Variants in ANKRD11 observed in about 807,000 individuals in gnomAD.
ANKRD11 encodes the protein ankyrin repeat domain-containing protein 11.
Under a neutral mutation model 195.7 loss-of-function variants are expected in ANKRD11, and 17 were observed. That is an observed-to-expected ratio of 0.09 (90% CI 0.06 to 0.13). ANKRD11 has a LOEUF of 0.13. ANKRD11 is among the 10% of genes least tolerant of loss of function. The probability of loss-of-function intolerance (pLI) is 1.00; values close to 1 mark genes in which losing one functional copy is unlikely to be tolerated. For missense variants in ANKRD11, 3,735 were observed against 3,566.1 expected, an observed-to-expected ratio of 1.05 and a Z score of -1.21; for synonymous variants, 1,953 against 1,528.1, an observed-to-expected ratio of 1.28 and a Z score of -6.49.
At chr16:89,350,017 T>C (rs2039136535) in intron 2 of ANKRD11, among the ~76,000 whole-genome samples, 1 of 151,976 alleles carries the variant, frequency 6.6e-6, no homozygotes, top group Non-Finnish European at 1.5e-5. Flanking sequence ...AAATGGCAGA[T>C]ATGAAAGTGA....
chr16:89,279,940 G>A lies in ANKRD11; in HGVS notation c.6602C>T (p.Ala2201Val), dbSNP rs371524118. ...PPDQASTRLPAELEPEPSGEP... is the reference protein window; with the variant it reads ...PPDQASTRLPVELEPEPSGEP... ...CCCTGAGGGCTCAGGCTCGAGCTCTGCAGGGAGCCGGGTGGAGGCCTGGTC... is the reference window on the plus strand; with the variant it reads ...CCCTGAGGGCTCAGGCTCGAGCTCTACAGGGAGCCGGGTGGAGGCCTGGTC... The change falls in exon 9 of 13, where the codon GCA becomes GTA. Residue 2201 changes from alanine (A) to valine (V), a missense_variant. Physicochemically the swap from Ala to Val is moderately conservative, Grantham distance 64. Coordinates refer to ENST00000301030, the MANE Select transcript of ANKRD11 (RefSeq NM_013275.6). The surrounding 1 kb of genome is among the most constrained non-coding windows in gnomAD (Gnocchi z 5.6). 1.6e-4 allele frequency: 254 copies of A among 1,609,884 alleles called. No individual in the cohort carries two copies. Among genetic ancestry groups the A allele is most frequent in the Non-Finnish European group, 1.4e-4 (166 of 1,179,828 alleles).
rs188625442 is a variant in ANKRD11, at chr16:89,444,754, G to A, written c.-144-26386C>T. On this transcript the variant is annotated intron_variant, in intron 1 of 12. Coordinates refer to ENST00000301030, the MANE Select transcript of ANKRD11 (RefSeq NM_013275.6). ...AGCCCATGAGCTCAAGACCAGGCTG[G>A]ATAACACAGCCAGATCCCGTCTCTG... Among the ~76,000 whole-genome samples the A allele has an allele frequency of 2.6e-3, 394 of 152,238 alleles. 2 individuals carry two copies. The highest frequency in any genetic ancestry group is 8.7e-3 in the African/African-American group (362 of 41,518).
intron 1 of ANKRD11, among the ~76,000 whole-genome samples, chr16:89,432,723 A>G (rs1271754454): frequency 6.6e-6 from 1 of 152,076 alleles, no homozygotes; most frequent in Non-Finnish European, 1.5e-5. Context: ...ATCACGGTAT[A>G]ATCTTGAGCC....
chr16:89,404,070 A>G (rs1234953979), intron 2 of ANKRD11, among the ~76,000 whole-genome samples: 1 of 152,254 alleles, frequency 6.6e-6, no homozygotes, highest in Non-Finnish European at 1.5e-5. Context: ...AAACTCTCAG[A>G]GCAAACGCTG....
chr16:89,308,650 C>T (rs532903441), intron 3 of ANKRD11, among the ~76,000 whole-genome samples: 73 of 152,160 alleles, frequency 4.8e-4, no homozygotes, highest in African/African-American at 1.7e-3. Flanking sequence ...GCTGCAGGTG[C>T]GTTTCCCATG....
At chr16:89,408,503 C>T (rs1162238197) in intron 2 of ANKRD11, among the ~76,000 whole-genome samples, 1 of 152,248 alleles carries the variant, frequency 6.6e-6, no homozygotes. Flanking sequence ...CCTCACCCTG[C>T]TCTGGCACAC....
chr16:89,301,456 A>T (rs2035848501), intron 4 of ANKRD11: 1 of 397,540 alleles, frequency 2.5e-6, no homozygotes, highest in South Asian at 1.3e-4. Context: ...GGCCCCGGGC[A>T]GACAGGGCAG....
chr16:89,273,577 A>T (rs1020413852), intron 11 of ANKRD11, among the ~76,000 whole-genome samples: 1 of 152,028 alleles, frequency 6.6e-6, no homozygotes, highest in Admixed American at 6.6e-5. Flanking sequence ...CATGCCTGTG[A>T]TCCCAGCTAC....
intron 1 of ANKRD11, among the ~76,000 whole-genome samples, chr16:89,472,806 G>T (rs1245912822): frequency 6.6e-6 from 1 of 152,202 alleles, no homozygotes; most frequent in Non-Finnish European, 1.5e-5. Context: ...TTACCACAGA[G>T]GGGAGCAGAG....
intron 1 of ANKRD11, among the ~76,000 whole-genome samples, chr16:89,441,569 C>G (rs1273147442): frequency 1.3e-5 from 2 of 151,850 alleles, no homozygotes; most frequent in African/African-American, 4.8e-5. Flanking sequence ...AGATGGAGAC[C>G]ATCCTGGCTA....
intron 3 of ANKRD11, among the ~76,000 whole-genome samples, chr16:89,316,214 TGA>T (rs1402266688): frequency 2.6e-5 from 4 of 152,262 alleles, no homozygotes; most frequent in Admixed American, 1.3e-4. Context: ...GACAGGAAGC[TGA>T]CTCAGGAGAC....
intron 2 of ANKRD11, among the ~76,000 whole-genome samples, chr16:89,384,285 C>T (rs2040793704): frequency 6.6e-6 from 1 of 152,166 alleles, no homozygotes; most frequent in Non-Finnish European, 1.5e-5. Flanking sequence ...AATCCCAGCA[C>T]TTTGGGAGAC....
At chr16:89,344,896 T>C (rs1435912240) in intron 2 of ANKRD11, among the ~76,000 whole-genome samples, 3 of 152,214 alleles carry the variant, frequency 2.0e-5, no homozygotes, top group Non-Finnish European at 4.4e-5. Flanking sequence ...TGTATTTTCC[T>C]TAGTTTCATT....
chr16:89,471,353 AC>A (rs920815536), intron 1 of ANKRD11, among the ~76,000 whole-genome samples: 1 of 152,062 alleles, frequency 6.6e-6, no homozygotes, highest in African/African-American at 2.4e-5. Context: ...TGGTGCTCTC[AC>A]CACTCAGGAA....
intron 2 of ANKRD11, among the ~76,000 whole-genome samples, chr16:89,356,601 C>G (rs141455908): frequency 0.012 from 1,711 of 147,856 alleles, 30 homozygotes; most frequent in African/African-American, 0.041. Context: ...AAAACCCCAT[C>G]TCTACTAAAA....
At chr16:89,489,210 TACACACAC>T in intron 1 of ANKRD11, 1 of 129,292 alleles carries the variant, frequency 7.7e-6, no homozygotes, top group East Asian at 2.7e-4. Flanking sequence ...GGGCCAACCC[TACACACAC>T]ACACACACGC....
At position 89,268,390 on chromosome 16, in the gene ANKRD11, G is replaced by C. The variant is rs1567532446; in HGVS notation, c.*88C>G. On this transcript the variant is annotated 3_prime_UTR_variant, in exon 13 of 13. Transcript: ENST00000301030. ...GGGTCTCTCCCCGCCCGGGTGGACA[G>C]GGCGCTCCCTCCTCCGCCCCTGGGG... is the stretch of plus-strand genomic sequence containing the variant. The C allele has an allele frequency of 1.6e-6, 1 of 621,280 alleles. No individual in the cohort carries two copies. The highest frequency in any genetic ancestry group is 2.9e-5 in the East Asian group (1 of 34,970). 38.5% of individuals were successfully genotyped at this position (621,280 alleles called of 1,614,324 possible).
chr16:89,275,528 C>A (rs1320695434), intron 9 of ANKRD11, among the ~76,000 whole-genome samples: 1 of 152,166 alleles, frequency 6.6e-6, no homozygotes, highest in African/African-American at 2.4e-5. Flanking sequence ...GGAGATACAG[C>A]GAGACAGCAG....
At chr16:89,379,146 GCCC>G (rs2040541733) in intron 2 of ANKRD11, among the ~76,000 whole-genome samples, 1 of 152,218 alleles carries the variant, frequency 6.6e-6, no homozygotes, top group Non-Finnish European at 1.5e-5. Context: ...GGTGGGGCCG[GCCC>G]CCATGCCTGC....
Sources: gnomAD v4.1 joint callset for allele counts (sites outside exome capture counted in the v4.1 genomes callset) on GRCh38, gnomAD v4.1.1 for gene constraint, Gnocchi (gnomAD v3.1) non-coding constraint, MANE v1.5 for transcripts, NCBI Gene and HGNC (gene_info 2026-07-23, HGNC 2026-07-21) for gene names.